Variants in TBC1D31 observed in about 807,000 individuals in gnomAD.
The protein encoded by TBC1D31 is WD repeat domain 67.
Under a neutral mutation model 132.9 loss-of-function variants are expected in TBC1D31, and 99 were observed. The observed-to-expected ratio is 0.74, with a 90% confidence interval of 0.63 to 0.88. TBC1D31 has a LOEUF of 0.88. Ranked by LOEUF, TBC1D31 falls within the 40% of genes least tolerant of loss-of-function variation. The pLI is 0.00. For missense variants in TBC1D31, 1,134 were observed against 1,256.6 expected (o/e 0.90, Z 1.48); for synonymous variants, 385 against 419.4 (o/e 0.92, Z 1.00).
chr8:123,148,295 A>G (rs932014840), intron 20 of TBC1D31, among the ~76,000 whole-genome samples: 4 of 152,232 alleles, frequency 2.6e-5, no homozygotes, highest in Non-Finnish European at 5.9e-5. Flanking sequence ...ACGAGTGAAT[A>G]TCCCCAGCCA....
chr8:123,116,051 C>T (rs1818878165), intron 10 of TBC1D31, among the ~76,000 whole-genome samples: 1 of 151,958 alleles, frequency 6.6e-6, no homozygotes, highest in African/African-American at 2.4e-5. Context: ...AGGGAATTAG[C>T]CTTAAAAATA....
rs192325771 is a variant in TBC1D31 at position 123,126,805 on chromosome 8, G to A, written c.1884+118G>A. The A allele has an allele frequency of 3.7e-4, 321 of 859,686 alleles. 3 individuals are homozygous for A. The highest frequency in any genetic ancestry group is 1.8e-3 in the Admixed American group (60 of 33,078). The allele number at this position is 859,686 out of a possible 1,614,324, so 53.3% of individuals were successfully genotyped here. ...TGCCCAGGCTGGAGTGCAATGGCGC[G>A]ATCTCAGCTCACTGCAACCTCCGCC... On this transcript the variant is annotated intron_variant, in intron 13 of 21. Transcript: ENST00000287380.
intron 8 of TBC1D31, 77 bp downstream of exon 8, chr8:123,105,541 C>G: frequency 8.5e-7 from 1 of 1,174,094 alleles, no homozygotes; most frequent in Non-Finnish European, 1.2e-6. Flanking sequence ...CATCACCACT[C>G]TTCTCTCTCT....
intron 20 of TBC1D31, among the ~76,000 whole-genome samples, chr8:123,146,425 G>T (rs1164268045): frequency 6.6e-6 from 1 of 152,144 alleles, no homozygotes; most frequent in Non-Finnish European, 1.5e-5. Context: ...GTAATATATG[G>T]TCTTCTGTGT....
intron 4 of TBC1D31, among the ~76,000 whole-genome samples, chr8:123,092,768 G>A (rs1816453015): frequency 6.7e-6 from 1 of 149,222 alleles, no homozygotes; most frequent in Admixed American, 6.7e-5. Flanking sequence ...TTCTGCCTCA[G>A]CCTCCTGAGT....
rs760998409 is a variant in TBC1D31 at position 123,128,355 on chromosome 8, G to C, written c.1959G>C (p.Thr653=). Residue 653 remains threonine (T), a synonymous_variant, in exon 14 of 22, where the codon ACG becomes ACC. Coordinates refer to ENST00000287380, the MANE Select transcript of TBC1D31 (RefSeq NM_145647.4). ...IRQVYHLMET[T]PTDIHPDSML... Reference sequence around the variant, plus strand: ...AAGTTTATCATCTCATGGAGACCACGCCTACTGACATTCATCCAGACAGCA... The same window carrying C: ...AAGTTTATCATCTCATGGAGACCACCCCTACTGACATTCATCCAGACAGCA... The C allele has an allele frequency of 1.2e-6, 2 of 1,613,024 alleles. No individual in the cohort carries two copies. The highest frequency in any genetic ancestry group is 2.7e-5 in the African/African-American group (2 of 74,752).
chr8:123,084,431 A>C (rs1286940357), intron 4 of TBC1D31, 91 bp downstream of exon 4: 1 of 1,275,360 alleles, frequency 7.8e-7, no homozygotes, highest in East Asian at 2.4e-5. Context: ...GTAATGATTC[A>C]CTTTGTCCTT....
chr8:123,096,269 C>G (rs931418287), intron 5 of TBC1D31, among the ~76,000 whole-genome samples: 9 of 152,136 alleles, frequency 5.9e-5, no homozygotes, highest in African/African-American at 2.2e-4. Flanking sequence ...CTCGCTTCAT[C>G]TCATTTCCTT....
At position 123,120,174 on chromosome 8, in the gene TBC1D31, T is replaced by C. The variant is rs763610263; in HGVS notation, c.1556T>C (p.Ile519Thr). 7.5e-6 allele frequency: 12 copies of C among 1,605,200 alleles called. No homozygotes were observed. The highest frequency in any genetic ancestry group is 1.0e-5 in the Non-Finnish European group (12 of 1,175,568). The change falls in exon 11 of 22, where the codon ATT becomes ACT. Residue 519 changes from isoleucine to threonine, a missense_variant. Coordinates refer to ENST00000287380, the MANE Select transcript of TBC1D31 (RefSeq NM_145647.4). ...QNNQLICFEV[I>T]ATLIINWCQH... is the part of the protein sequence containing the mutation. ...AACCAACTCATCTGTTTTGAAGTTA[T>C]TGCTACTCTCATAAGTAAGTAAATA...
At chr8:123,073,396 C>A (rs1374900791) in intron 1 of TBC1D31, 2 of 456,182 alleles carry the variant, frequency 4.4e-6, no homozygotes, top group African/African-American at 4.0e-5. Flanking sequence ...TGGAACAAAA[C>A]ACACTTCCGG....
chr8:123,093,454 C>T, intron 4 of TBC1D31, 137 bp from the exon 5 acceptor site: 1 of 510,068 alleles, frequency 2.0e-6, no homozygotes, highest in Non-Finnish European at 3.2e-6. Flanking sequence ...TACTCCTTGT[C>T]ATATATTAGA....
At chr8:123,086,574 C>T (rs1321574214) in intron 4 of TBC1D31, among the ~76,000 whole-genome samples, 1 of 152,134 alleles carries the variant, frequency 6.6e-6, no homozygotes, top group African/African-American at 2.4e-5. Context: ...CTCCAAGTCC[C>T]CATATCCAAG....
At chr8:123,095,895 C>T (rs1366430750) in intron 5 of TBC1D31, among the ~76,000 whole-genome samples, 1 of 152,132 alleles carries the variant, frequency 6.6e-6, no homozygotes, top group Admixed American at 6.5e-5. Flanking sequence ...GAAAGAGTTA[C>T]AAAATAGATG....
chr8:123,162,304 C>CTG, the TBC1D31 span, among the ~76,000 whole-genome samples: 78 of 150,406 alleles, frequency 5.2e-4, no homozygotes, highest in Middle Eastern at 3.4e-3. Context: ...GAAAGTGTAT[C>CTG]TGTGTGTGTG....
intron 17 of TBC1D31, among the ~76,000 whole-genome samples, chr8:123,136,837 A>T (rs1821140920): frequency 1.3e-5 from 2 of 149,656 alleles, no homozygotes; most frequent in South Asian, 4.1e-4. Context: ...TTATTTATTT[A>T]AACAAACCAA....
At chr8:123,096,215 C>T (rs1057430059) in intron 5 of TBC1D31, among the ~76,000 whole-genome samples, 3 of 152,086 alleles carry the variant, frequency 2.0e-5, no homozygotes, top group African/African-American at 7.2e-5. Flanking sequence ...AACCCCCCAC[C>T]CCTCATTTCC....
chr8:123,092,086 C>T (rs979346905), intron 4 of TBC1D31, among the ~76,000 whole-genome samples: 2 of 152,180 alleles, frequency 1.3e-5, no homozygotes, highest in Admixed American at 6.5e-5. Flanking sequence ...GCAATCTCAG[C>T]TCATTGCAAC....
At chr8:123,128,223 C>A in intron 13 of TBC1D31, 58 bp from the exon 14 acceptor site, 1 of 857,710 alleles carries the variant, frequency 1.2e-6, no homozygotes, top group Non-Finnish European at 1.9e-6. Flanking sequence ...TGTTTTAATT[C>A]TACCTCATAA....
At chr8:123,080,648 T>C (rs904716268) in intron 2 of TBC1D31, among the ~76,000 whole-genome samples, 1 of 149,160 alleles carries the variant, frequency 6.7e-6, no homozygotes, top group African/African-American at 2.5e-5. Context: ...GCAATTCTTC[T>C]GCCTCAGCCT....
Sources: gnomAD v4.1 joint callset for allele counts (sites outside exome capture counted in the v4.1 genomes callset) on GRCh38, gnomAD v4.1.1 for gene constraint, MANE v1.5 for transcripts, NCBI Gene and HGNC (gene_info 2026-07-23, HGNC 2026-07-21) for gene names.